KALRN: variants seen among roughly 807,000 people sequenced by gnomAD.
The protein encoded by KALRN is kalirin RhoGEF kinase, also known as kalirin.
In KALRN, 70 loss-of-function variants were observed where a neutral mutation model predicts 353.7. The ratio of observed to expected loss-of-function variants is 0.20; its 90% CI spans 0.16 to 0.24. The LOEUF (loss-of-function observed/expected upper bound fraction) is 0.24. KALRN is among the 10% of genes least tolerant of loss of function. The pLI is 1.00. For missense variants in KALRN, 2,791 were observed against 3,756.7 expected, an observed-to-expected ratio of 0.74 and a Z score of 6.72; for synonymous variants, 1,391 against 1,434.8, an observed-to-expected ratio of 0.97 and a Z score of 0.69.
chr3:124,516,001 C>T (rs1028409585), intron 33 of KALRN, among the ~76,000 whole-genome samples: 1 of 152,274 alleles, frequency 6.6e-6, no homozygotes, highest in East Asian at 1.9e-4. Flanking sequence ...CTATTTCTCA[C>T]ACATCAAACC....
chr3:124,335,126 A>G (rs1462068087), intron 9 of KALRN, among the ~76,000 whole-genome samples: 4 of 152,144 alleles, frequency 2.6e-5, no homozygotes, highest in Non-Finnish European at 5.9e-5. Flanking sequence ...ACCCACACTC[A>G]GGCAATGATT....
chr3:124,368,961 A>G (rs369511126), intron 10 of KALRN, among the ~76,000 whole-genome samples: 19,174 of 151,718 alleles, frequency 0.13, 1,363 homozygotes, highest in Non-Finnish European at 0.16. Context: ...GAGGCAGGAG[A>G]ATCAGGCAGG....
chr3:124,044,827 TTCCTTCCC>T (rs577538345), intron 1 of KALRN, among the ~76,000 whole-genome samples: 18,009 of 91,446 alleles, frequency 0.2, 2,810 homozygotes, highest in East Asian at 0.54. Context: ...CCTTCCTTCC[TTCCTTCCC>T]TCCCTCCCTC....
rs2074932257 is a variant in KALRN, at chr3:124,584,523, G to T, written c.5182+21434G>T. On this transcript the variant is annotated intron_variant, in intron 34 of 59. Coordinates refer to ENST00000682506, the MANE Select transcript of KALRN (RefSeq NM_001388419.1). ...TCCACCCGTTTGCCCCGTGCCCACA[G>T]CGTTGGTGCCACAGGCAGCGTTACA... 6 of 903,544 alleles carry T rather than the reference G, an allele frequency of 6.6e-6. No individual in the cohort carries two copies. In the Admixed American group the frequency reaches 2.0e-4, roughly 30 times the overall value. 56.0% of individuals were successfully genotyped at this position (903,544 alleles called of 1,614,324 possible).
At chr3:124,313,325 T>A (rs79422754) in intron 6 of KALRN, among the ~76,000 whole-genome samples, 3,035 of 152,238 alleles carry the variant, frequency 0.02, 46 homozygotes, top group Admixed American at 0.038. Context: ...CTGTTAACAC[T>A]GCAGTTCCTA....
At chr3:124,263,587 C>CT (rs2073157200) in intron 3 of KALRN, among the ~76,000 whole-genome samples, 1 of 150,160 alleles carries the variant, frequency 6.7e-6, no homozygotes, top group African/African-American at 2.5e-5. Context: ...GACCCTGACT[C>CT]TTTAAAAAAA....
chr3:124,238,593 C>A (rs188794215), intron 3 of KALRN, among the ~76,000 whole-genome samples: 1 of 152,208 alleles, frequency 6.6e-6, no homozygotes, highest in Non-Finnish European at 1.5e-5. Flanking sequence ...TTACCACCCC[C>A]ACCAATATGC....
chr3:124,399,170 G>A (rs1417485095), intron 13 of KALRN, among the ~76,000 whole-genome samples: 2 of 152,112 alleles, frequency 1.3e-5, no homozygotes, highest in East Asian at 3.9e-4. Context: ...AAGGAGTCTC[G>A]CTCTGTTGCC....
At chr3:124,701,190 C>T (rs2062309298) in intron 56 of KALRN, among the ~76,000 whole-genome samples, 1 of 152,210 alleles carries the variant, frequency 6.6e-6, no homozygotes, top group Non-Finnish European at 1.5e-5. Flanking sequence ...GCTGTGCTTG[C>T]TCTGTGTGCG....
intron 33 of KALRN, among the ~76,000 whole-genome samples, chr3:124,527,823 C>T (rs2067721564): frequency 6.6e-6 from 1 of 152,116 alleles, no homozygotes; most frequent in African/African-American, 2.4e-5. Context: ...TGACATCAGC[C>T]TAGGTTTGAA....
At chr3:124,584,526 T>G in intron 34 of KALRN, 1 of 922,042 alleles carries the variant, frequency 1.1e-6, no homozygotes, top group Non-Finnish European at 1.5e-6. Context: ...GCCCACAGCG[T>G]TGGTGCCACA....
At chr3:124,597,353 GA>G (rs57545406) in intron 34 of KALRN, among the ~76,000 whole-genome samples, 23,504 of 152,136 alleles carry the variant, frequency 0.15, 1,944 homozygotes, top group Middle Eastern at 0.19. Context: ...AAAAAGAAAA[GA>G]AAAATCAGTT....
At chr3:124,717,408 T>TG (rs1559888514) in intron 59 of KALRN, 23 bp downstream of exon 59, 1 of 1,559,212 alleles carries the variant, frequency 6.4e-7, no homozygotes, top group Non-Finnish European at 8.7e-7. Context: ...GGCAACCTGC[T>TG]GGGCGCAGTG....
intron 1 of KALRN, among the ~76,000 whole-genome samples, chr3:124,146,594 A>G (rs2067359232): frequency 6.6e-6 from 1 of 152,020 alleles, no homozygotes; most frequent in African/African-American, 2.4e-5. Context: ...AAAGGGAGTA[A>G]GGGCCAGGCT....
intron 47 of KALRN, among the ~76,000 whole-genome samples, chr3:124,671,183 A>G (rs1189552078): frequency 6.6e-6 from 1 of 152,170 alleles, no homozygotes; most frequent in African/African-American, 2.4e-5. Flanking sequence ...ATTCCATCCA[A>G]TTACTTTTCA....
At chr3:124,417,586 C>T (rs573701909) in intron 14 of KALRN, among the ~76,000 whole-genome samples, 1 of 152,298 alleles carries the variant, frequency 6.6e-6, no homozygotes, top group African/African-American at 2.4e-5. Flanking sequence ...CCAACCCCAA[C>T]GTTTAAAAAT....
intron 45 of KALRN, among the ~76,000 whole-genome samples, chr3:124,666,113 T>C (rs1410333145): frequency 6.6e-6 from 1 of 152,120 alleles, no homozygotes; most frequent in Non-Finnish European, 1.5e-5. Flanking sequence ...CTACTTTCTA[T>C]TGTCCTTTCA....
chr3:124,463,025 A>G (rs1263513242), intron 25 of KALRN, among the ~76,000 whole-genome samples: 2 of 152,130 alleles, frequency 1.3e-5, no homozygotes, highest in African/African-American at 4.8e-5. Context: ...TTTTCTATCA[A>G]CCTAAATATT....
intron 33 of KALRN, among the ~76,000 whole-genome samples, chr3:124,499,246 C>A (rs1469713663): frequency 6.6e-6 from 1 of 152,160 alleles, no homozygotes; most frequent in African/African-American, 2.4e-5. Context: ...ATGTGTGTTA[C>A]GTATGCTGTG....
Sources: gnomAD v4.1 joint callset for allele counts (sites outside exome capture counted in the v4.1 genomes callset) on GRCh38, gnomAD v4.1.1 for gene constraint, MANE v1.5 for transcripts, NCBI Gene and HGNC (gene_info 2026-07-23, HGNC 2026-07-21) for gene names.